Variants in PCDHA12 observed in about 807,000 individuals in gnomAD.
The protein encoded by PCDHA12 is protocadherin alpha 12.
Under a neutral mutation model 60.0 loss-of-function variants are expected in PCDHA12, and 44 were observed. The observed-to-expected ratio is 0.73, with a 90% CI of 0.58 to 0.94. The LOEUF (loss-of-function observed/expected upper bound fraction) is 0.94. Among genes scored for constraint, PCDHA12 ranks in the 40% least tolerant of loss-of-function variants. The pLI, the probability that PCDHA12 is intolerant of heterozygous loss-of-function variation, is 0.00. For missense variants in PCDHA12, 1,276 were observed against 1,239.7 expected (o/e 1.03, Z -0.44); for synonymous variants, 569 against 553.0 (o/e 1.03, Z -0.40).
chr5:140,964,079 G>A (rs1209152794), intron 1 of PCDHA12, among the ~76,000 whole-genome samples: 3 of 152,178 alleles, frequency 2.0e-5, no homozygotes, highest in African/African-American at 7.2e-5. Flanking sequence ...GTTAATATTT[G>A]TAGAAAGGGT....
At chr5:140,882,049 T>G in intron 1 of PCDHA12, 2 of 752,814 alleles carry the variant, frequency 2.7e-6, no homozygotes, top group Non-Finnish European at 4.1e-6. Context: ...TGAGTCATAC[T>G]TACACTTACA....
At chr5:141,008,014 CT>C (rs1268690822) in intron 3 of PCDHA12, among the ~76,000 whole-genome samples, 12 of 152,070 alleles carry the variant, frequency 7.9e-5, no homozygotes, top group African/African-American at 1.7e-4. Flanking sequence ...CTTCTGTTTC[CT>C]TTTTTTTCTT....
chr5:140,955,571 G>A (rs1371078633), intron 1 of PCDHA12, among the ~76,000 whole-genome samples: 2 of 152,158 alleles, frequency 1.3e-5, no homozygotes, highest in Non-Finnish European at 2.9e-5. Flanking sequence ...ACTGAACTGT[G>A]AGTCAATTAA....
At position 140,877,698 on chromosome 5, in the gene PCDHA12, C is replaced by T; in HGVS notation, c.2226C>T (p.Ser742=). ...CGGGCAAGCCCACGCTGGTGTGCTC[C>T]AGCGCCGTGGGGAGTTGGTCTTACT... ...CAPGKPTLVC[S]SAVGSWSYSQ... Residue 742 remains serine (S), a synonymous_variant, in exon 1 of 4, where the codon TCC becomes TCT. Transcript: ENST00000398631. 1.2e-6 allele frequency: 2 copies of T among 1,613,958 alleles called. No homozygotes were observed. The highest frequency in any genetic ancestry group is 1.7e-6 in the Non-Finnish European group (2 of 1,179,970).
At chr5:140,994,809 C>G (rs1366407347) in intron 3 of PCDHA12, among the ~76,000 whole-genome samples, 1 of 152,016 alleles carries the variant, frequency 6.6e-6, no homozygotes, top group Non-Finnish European at 1.5e-5. Flanking sequence ...AAACAAAATA[C>G]AAAAAACTGA....
intron 1 of PCDHA12, among the ~76,000 whole-genome samples, chr5:140,909,888 C>A (rs1391505487): frequency 6.6e-6 from 1 of 152,172 alleles, no homozygotes; most frequent in Admixed American, 6.5e-5. Flanking sequence ...AGACACTGTT[C>A]AGTAGTCCCT....
intron 1 of PCDHA12, among the ~76,000 whole-genome samples, chr5:140,888,973 A>G (rs1173174070): frequency 2.6e-5 from 4 of 152,078 alleles, no homozygotes; most frequent in African/African-American, 9.7e-5. Flanking sequence ...TAATGTGTTG[A>G]ATTTATGATT....
intron 1 of PCDHA12, among the ~76,000 whole-genome samples, chr5:140,944,623 T>C (rs535315515): frequency 6.6e-6 from 1 of 152,320 alleles, no homozygotes; most frequent in East Asian, 1.9e-4. Flanking sequence ...AGAAGTATAG[T>C]GTTGTAAGCC....
At chr5:140,884,357 A>G (rs1562803365) in intron 1 of PCDHA12, 1 of 1,613,864 alleles carries the variant, frequency 6.2e-7, no homozygotes, top group Non-Finnish European at 8.5e-7. Flanking sequence ...GGTGGATGTC[A>G]ATGTTTACTT....
At chr5:140,897,993 A>G (rs2066447415) in intron 1 of PCDHA12, among the ~76,000 whole-genome samples, 1 of 152,184 alleles carries the variant, frequency 6.6e-6, no homozygotes, top group African/African-American at 2.4e-5. Flanking sequence ...TCTTCTTTTG[A>G]GAAGTGTCTG....
At chr5:140,958,145 A>G (rs1044763099) in intron 1 of PCDHA12, among the ~76,000 whole-genome samples, 4 of 152,156 alleles carry the variant, frequency 2.6e-5, no homozygotes, top group African/African-American at 4.8e-5. Context: ...GTATATTTAT[A>G]TAGCATAGTC....
chr5:141,012,182 A>T lies in PCDHA12; in HGVS notation c.*2245A>T, dbSNP rs1334407628. On this transcript the variant is annotated 3_prime_UTR_variant, in exon 4 of 4. Coordinates refer to ENST00000398631, the MANE Select transcript of PCDHA12 (RefSeq NM_018903.4). ...CTAATTTATTAATGATGATAATTATAATGTATCTGTACAGCACTTTTTACA... is the reference window on the plus strand; with the variant it reads ...CTAATTTATTAATGATGATAATTATTATGTATCTGTACAGCACTTTTTACA... 6.5e-6 allele frequency: 1 copy of T among 153,776 alleles called. No homozygotes were observed. The highest frequency in any genetic ancestry group is 1.5e-5 in the Non-Finnish European group (1 of 68,050). 9.5% of individuals were successfully genotyped at this position (153,776 alleles called of 1,614,324 possible).
chr5:140,986,714 CATT>C (rs1426352732), intron 3 of PCDHA12, among the ~76,000 whole-genome samples: 4 of 152,118 alleles, frequency 2.6e-5, no homozygotes, highest in Non-Finnish European at 4.4e-5. Flanking sequence ...CAGAAGATAA[CATT>C]ATAGCTTCTC....
chr5:140,918,406 G>A (rs1382905411), intron 1 of PCDHA12, among the ~76,000 whole-genome samples: 2 of 152,076 alleles, frequency 1.3e-5, no homozygotes, highest in Non-Finnish European at 2.9e-5. Context: ...GATTTCTCTG[G>A]CCAGGACTTC....
intron 1 of PCDHA12, among the ~76,000 whole-genome samples, chr5:140,965,210 T>C (rs1554227481): frequency 6.6e-6 from 1 of 152,214 alleles, no homozygotes; most frequent in Non-Finnish European, 1.5e-5. Context: ...TTCAAATTCC[T>C]GTGGAAGAAA....
intron 3 of PCDHA12, among the ~76,000 whole-genome samples, chr5:140,996,349 A>G (rs2097722990): frequency 6.6e-6 from 1 of 152,184 alleles, no homozygotes; most frequent in African/African-American, 2.4e-5. Flanking sequence ...AACCCAACCA[A>G]AGTCAGAAGC....
intron 1 of PCDHA12, among the ~76,000 whole-genome samples, chr5:140,891,266 T>G (rs1301781810): frequency 1.3e-5 from 2 of 152,188 alleles, no homozygotes; most frequent in Non-Finnish European, 2.9e-5. Context: ...ATTTTTAATT[T>G]TTCCGTAAGT....
intron 1 of PCDHA12, among the ~76,000 whole-genome samples, chr5:140,885,818 G>C (rs2060726718): frequency 6.6e-6 from 1 of 151,914 alleles, no homozygotes; most frequent in African/African-American, 2.4e-5. Flanking sequence ...ATTTGTATTT[G>C]ATCTTCTTTG....
At chr5:140,968,808 T>C in intron 1 of PCDHA12, 1 of 1,614,204 alleles carries the variant, frequency 6.2e-7, no homozygotes, top group South Asian at 1.1e-5. Context: ...GTAGCTGTGG[T>C]GGATAGGGTT....
Sources: gnomAD v4.1 joint callset for allele counts (sites outside exome capture counted in the v4.1 genomes callset) on GRCh38, gnomAD v4.1.1 for gene constraint, MANE v1.5 for transcripts, NCBI Gene and HGNC (gene_info 2026-07-23, HGNC 2026-07-21) for gene names.